The following CEP170 variants were observed in gnomAD, a reference collection of about 807,000 sequenced individuals.
CEP170 encodes centrosomal protein 170.
Under a neutral mutation model 151.9 loss-of-function variants are expected in CEP170, and 21 were observed. The ratio of observed to expected loss-of-function variants is 0.14; its 90% CI spans 0.10 to 0.20. The LOEUF is 0.20. Among genes scored for constraint, CEP170 ranks in the 10% least tolerant of loss-of-function variants. The pLI is 1.00. For missense variants in CEP170, 964 were observed against 1,892.9 expected, an observed-to-expected ratio of 0.51 and a Z score of 9.11; for synonymous variants, 356 against 648.8, an observed-to-expected ratio of 0.55 and a Z score of 6.86.
In CEP170 at chr1:243,240,025, G is replaced by A. The variant is rs1299634197; in HGVS notation, c.-41-14704C>T. Among the ~76,000 whole-genome samples the A allele has an allele frequency of 2.6e-5, 4 of 152,170 alleles. No individual in the cohort carries two copies. The East Asian group carries it at 7.7e-4, about 29-fold the overall frequency. ...TTCACTGGGAATTTTCTGATTACTT[G>A]GTAATATGAATACAATCTGGCCGGG... On this transcript the variant is annotated intron_variant, in intron 1 of 19. Transcript: ENST00000366542.
intron 3 of CEP170, among the ~76,000 whole-genome samples, chr1:243,214,836 A>G (rs1264838491): frequency 6.6e-6 from 1 of 152,174 alleles, no homozygotes; most frequent in African/African-American, 2.4e-5. Flanking sequence ...TGTCATGTCT[A>G]ATTTTTTATT....
At chr1:243,215,316 T>A (rs560895821) in intron 3 of CEP170, among the ~76,000 whole-genome samples, 1 of 152,166 alleles carries the variant, frequency 6.6e-6, no homozygotes, top group African/African-American at 2.4e-5. Context: ...ACAAGGGAGA[T>A]AACCATTAGG....
At chr1:243,140,255 T>C (rs2055677065) in intron 15 of CEP170, 148 bp from the exon 16 acceptor site, 5 of 1,206,290 alleles carry the variant, frequency 4.1e-6, no homozygotes, top group South Asian at 2.2e-5. Context: ...AATTACTCTT[T>C]CTTTTTATAA....
chr1:243,246,567 A>C (rs1401515572), intron 1 of CEP170, among the ~76,000 whole-genome samples: 1 of 152,174 alleles, frequency 6.6e-6, no homozygotes, highest in Non-Finnish European at 1.5e-5. Context: ...TTTAATTTTC[A>C]TAAATTGTGT....
chr1:243,196,871 C>T (rs2060687971), intron 7 of CEP170, among the ~76,000 whole-genome samples: 1 of 151,998 alleles, frequency 6.6e-6, no homozygotes, highest in Non-Finnish European at 1.5e-5. Context: ...ATCTCTTTGT[C>T]ATTTAATGTA....
intron 1 of CEP170, among the ~76,000 whole-genome samples, chr1:243,243,960 G>A (rs1042927972): frequency 1.3e-5 from 2 of 152,018 alleles, no homozygotes; most frequent in African/African-American, 4.8e-5. Flanking sequence ...CAACACTACT[G>A]GAGTGAAAAC....
At chr1:243,224,522 G>A (rs964604281) in intron 2 of CEP170, among the ~76,000 whole-genome samples, 6 of 151,824 alleles carry the variant, frequency 4.0e-5, no homozygotes, top group African/African-American at 4.8e-5. Flanking sequence ...GTGCTGGGCC[G>A]CATTCAAAGC....
chr1:243,250,522 C>T (rs1350376197), intron 1 of CEP170, among the ~76,000 whole-genome samples: 1 of 152,096 alleles, frequency 6.6e-6, no homozygotes, highest in Non-Finnish European at 1.5e-5. Flanking sequence ...ACCAATTTTT[C>T]AGAAAACAAA....
intron 10 of CEP170, chr1:243,176,878 T>C (rs1302094497): frequency 2.5e-6 from 1 of 399,934 alleles, no homozygotes; most frequent in Non-Finnish European, 4.9e-6. Context: ...AACCAAACGA[T>C]ATTTTTAGAT....
chr1:243,145,663 A>G (rs2056391282), intron 14 of CEP170, among the ~76,000 whole-genome samples: 1 of 152,194 alleles, frequency 6.6e-6, no homozygotes, highest in South Asian at 2.1e-4. Context: ...AACCTCTGGA[A>G]TTAAGTTTCC....
At chr1:243,187,137 T>G (rs1458228037) in intron 8 of CEP170, among the ~76,000 whole-genome samples, 1 of 152,160 alleles carries the variant, frequency 6.6e-6, no homozygotes, top group Non-Finnish European at 1.5e-5. Flanking sequence ...TCCACCTAGA[T>G]CTAAGGACCA....
At chr1:243,217,911 T>G (rs907512571) in intron 3 of CEP170, among the ~76,000 whole-genome samples, 1 of 152,188 alleles carries the variant, frequency 6.6e-6, no homozygotes, top group Non-Finnish European at 1.5e-5. Context: ...GAACTACAAA[T>G]CCTATGAGCG....
chr1:243,194,453 T>C lies in CEP170; in HGVS notation c.632-2959A>G, dbSNP rs142049881. ...GTTTTAAATTATACTGAAACTTCTC[T>C]GCTTAAGAAGGTGGTAATATGGGTA... On this transcript the variant is annotated intron_variant, in intron 7 of 19. Coordinates refer to ENST00000366542, the MANE Select transcript of CEP170 (RefSeq NM_014812.3). 6.8e-3 allele frequency among the ~76,000 whole-genome samples: 1,036 copies of C among 152,086 alleles called. 14 individuals are homozygous for C. The highest frequency in any genetic ancestry group is 0.024 in the African/African-American group (984 of 41,530).
intron 1 of CEP170, among the ~76,000 whole-genome samples, chr1:243,250,723 T>C (rs1424433995): frequency 6.6e-6 from 1 of 152,242 alleles, no homozygotes; most frequent in Non-Finnish European, 1.5e-5. Flanking sequence ...AAATAGTACC[T>C]TGAATTACAT....
chr1:243,128,166 T>C (rs1247622152), intron 19 of CEP170, 83 bp downstream of exon 19: 14 of 1,298,728 alleles, frequency 1.1e-5, no homozygotes, highest in African/African-American at 7.7e-5. Context: ...AATAACATCC[T>C]AACAATATTT....
intron 10 of CEP170, chr1:243,175,065 G>A (rs563673859): frequency 3.0e-4 from 46 of 152,286 alleles, no homozygotes; most frequent in African/African-American, 1.1e-3. Flanking sequence ...ATTATCTTGA[G>A]TGATTTTCTG....
At chr1:243,240,429 G>A (rs895815873) in intron 1 of CEP170, among the ~76,000 whole-genome samples, 1 of 152,158 alleles carries the variant, frequency 6.6e-6, no homozygotes, top group Non-Finnish European at 1.5e-5. Context: ...CACCATCACG[G>A]TTAGACGTTC....
chr1:243,177,751 T>C (rs1012409020), intron 10 of CEP170, among the ~76,000 whole-genome samples: 2 of 152,210 alleles, frequency 1.3e-5, no homozygotes, highest in Non-Finnish European at 2.9e-5. Context: ...TCCCTTAAAA[T>C]TCCATGGAAT....
chr1:243,251,051 A>ATT (rs1158090367), intron 1 of CEP170, among the ~76,000 whole-genome samples: 1 of 152,234 alleles, frequency 6.6e-6, no homozygotes, highest in African/African-American at 2.4e-5. Context: ...GAGAAAATCT[A>ATT]GCTAATATAT....
Sources: gnomAD v4.1 joint callset for allele counts (sites outside exome capture counted in the v4.1 genomes callset) on GRCh38, gnomAD v4.1.1 for gene constraint, MANE v1.5 for transcripts, NCBI Gene and HGNC (gene_info 2026-07-23, HGNC 2026-07-21) for gene names.